Variants in EYA2 observed in about 807,000 individuals in gnomAD.
The protein encoded by EYA2 is EYA transcriptional coactivator and phosphatase 2, also known as protein phosphatase EYA2.
Under a neutral mutation model 69.2 loss-of-function variants are expected in EYA2, and 31 were observed. The ratio of observed to expected loss-of-function variants is 0.45; its 90% CI spans 0.34 to 0.60. EYA2 has a LOEUF of 0.60. Ranked by LOEUF, EYA2 falls within the 20% of genes least tolerant of loss-of-function variation. The pLI is 0.02. For missense variants in EYA2, 622 were observed against 701.2 expected (o/e 0.89, Z 1.28); for synonymous variants, 257 against 279.4 (o/e 0.92, Z 0.80).
At chr20:46,928,140 C>T (rs748623581) in intron 1 of EYA2, among the ~76,000 whole-genome samples, 1 of 152,194 alleles carries the variant, frequency 6.6e-6, no homozygotes, top group African/African-American at 2.4e-5. Flanking sequence ...CTACATTACT[C>T]AGCTCTGCAC....
chr20:46,933,111 A>C (rs1338033757), intron 1 of EYA2, among the ~76,000 whole-genome samples: 5 of 152,212 alleles, frequency 3.3e-5, no homozygotes, highest in Non-Finnish European at 5.9e-5. Flanking sequence ...AGACTAATAC[A>C]AGGGGCTTAC....
At chr20:47,134,296 G>A (rs570601228) in intron 9 of EYA2, among the ~76,000 whole-genome samples, 8 of 152,302 alleles carry the variant, frequency 5.3e-5, no homozygotes, top group African/African-American at 1.9e-4. Context: ...GACAGGGGTG[G>A]TGGCCTAACC....
intron 1 of EYA2, among the ~76,000 whole-genome samples, chr20:46,974,282 T>C (rs1980318702): frequency 6.6e-6 from 1 of 152,234 alleles, no homozygotes; most frequent in Admixed American, 6.5e-5. Flanking sequence ...GAAGATATTC[T>C]CATATTTGGT....
intron 9 of EYA2, among the ~76,000 whole-genome samples, chr20:47,135,159 G>A (rs1400779737): frequency 2.0e-5 from 3 of 146,444 alleles, no homozygotes; most frequent in Non-Finnish European, 4.5e-5. Context: ...ACAGACAACA[G>A]GCCATAGTTC....
intron 1 of EYA2, among the ~76,000 whole-genome samples, chr20:46,907,089 T>C (rs1230318838): frequency 6.6e-6 from 1 of 152,206 alleles, no homozygotes; most frequent in African/African-American, 2.4e-5. Context: ...AATAACGGAC[T>C]CTGCATAACA....
intron 9 of EYA2, among the ~76,000 whole-genome samples, chr20:47,141,818 A>G (rs941625267): frequency 1.3e-5 from 2 of 152,232 alleles, no homozygotes; most frequent in Non-Finnish European, 1.5e-5. Context: ...TTTTGCCCAC[A>G]TATCACTGGC....
rs143891904 is a variant in EYA2 at position 47,152,337 on chromosome 20, G to A, written c.978+9189G>A. Among the ~76,000 whole-genome samples, 515 of 151,174 alleles carry A rather than the reference G, an allele frequency of 3.4e-3. 1 individual carries two copies. Among genetic ancestry groups the A allele is most frequent in the African/African-American group, 0.011 (469 of 41,282 alleles). ...ACCTGTATTGTGAATTACCAGCCCT[G>A]CTCCTTAGCAGTGTCATTTGTGTGT... On this transcript the variant is annotated intron_variant, in intron 10 of 15. Coordinates refer to ENST00000327619, the MANE Select transcript of EYA2 (RefSeq NM_005244.5).
chr20:47,031,462 G>A (rs763246678), intron 5 of EYA2, among the ~76,000 whole-genome samples: 10 of 152,216 alleles, frequency 6.6e-5, no homozygotes, highest in Non-Finnish European at 1.0e-4. Flanking sequence ...TCTGTCCTGA[G>A]ACAGTGCCTG....
intron 10 of EYA2, 92 bp from the exon 11 acceptor site, chr20:47,169,047 G>C (rs1230762162): frequency 1.7e-6 from 2 of 1,164,602 alleles, no homozygotes; most frequent in Non-Finnish European, 2.6e-6. Flanking sequence ...GCTCATCCCA[G>C]CCCTCAGCTT....
chr20:47,162,719 A>G (rs1235554275), intron 10 of EYA2, among the ~76,000 whole-genome samples: 3 of 151,880 alleles, frequency 2.0e-5, no homozygotes, highest in Admixed American at 1.3e-4. Context: ...GAGTCTCACC[A>G]TGTTGTCCAG....
intron 12 of EYA2, among the ~76,000 whole-genome samples, chr20:47,176,238 C>G (rs560743012): frequency 2.1e-4 from 32 of 152,006 alleles, no homozygotes; most frequent in Non-Finnish European, 4.4e-4. Context: ...TGCCACCATG[C>G]CCGGCTAATT....
rs145815637 is a variant in EYA2 at position 47,171,477 on chromosome 20, C to G, written c.1038-1230C>G. Among the ~76,000 whole-genome samples, 631 of 152,206 alleles carry G rather than the reference C, an allele frequency of 4.1e-3. 5 individuals carry two copies. The highest frequency in any genetic ancestry group is 0.014 in the African/African-American group (583 of 41,538). ...GCCTCGTTTTGTGCCATGTTCTATT[C>G]TAAATGCATTACATGGGATAACTCA... is the stretch of plus-strand genomic sequence containing the variant. On this transcript the variant is annotated intron_variant, in intron 11 of 15. Transcript: ENST00000327619.
At chr20:47,005,150 A>G (rs1982630171) in intron 4 of EYA2, 66 bp downstream of exon 4, 2 of 1,559,328 alleles carry the variant, frequency 1.3e-6, no homozygotes, top group Non-Finnish European at 8.7e-7. Context: ...GTTCTGCACT[A>G]TTGTCTCAGC....
At chr20:47,161,941 A>G (rs1451735523) in intron 10 of EYA2, among the ~76,000 whole-genome samples, 3 of 152,186 alleles carry the variant, frequency 2.0e-5, no homozygotes, top group Non-Finnish European at 4.4e-5. Flanking sequence ...TGGGTGCCTT[A>G]AACAAGAGAA....
intron 10 of EYA2, among the ~76,000 whole-genome samples, chr20:47,152,263 G>C (rs2033837422): frequency 6.6e-6 from 1 of 151,888 alleles, no homozygotes; most frequent in African/African-American, 2.4e-5. Context: ...CTCTAGTCTG[G>C]CATGTTTGCC....
intron 5 of EYA2, among the ~76,000 whole-genome samples, chr20:47,042,248 C>T (rs1274743118): frequency 6.6e-6 from 1 of 152,124 alleles, no homozygotes; most frequent in Non-Finnish European, 1.5e-5. Context: ...GTGATAGGTG[C>T]AATGTCACTC....
intron 5 of EYA2, among the ~76,000 whole-genome samples, chr20:47,022,327 T>C (rs753904776): frequency 2.6e-5 from 4 of 152,224 alleles, no homozygotes; most frequent in Non-Finnish European, 5.9e-5. Context: ...AAATTGTTTC[T>C]TGTTGAGATG....
chr20:47,187,385 A>C (rs2034667320), intron 15 of EYA2, among the ~76,000 whole-genome samples: 1 of 152,042 alleles, frequency 6.6e-6, no homozygotes, highest in Admixed American at 6.6e-5. Flanking sequence ...ACTCCACATC[A>C]TGACAATAAC....
At chr20:47,070,834 A>C (rs2031288297) in intron 5 of EYA2, among the ~76,000 whole-genome samples, 1 of 151,532 alleles carries the variant, frequency 6.6e-6, no homozygotes, top group African/African-American at 2.4e-5. Context: ...TAAATAAATA[A>C]TTTTTATTTT....
Sources: gnomAD v4.1 joint callset for allele counts (sites outside exome capture counted in the v4.1 genomes callset) on GRCh38, gnomAD v4.1.1 for gene constraint, MANE v1.5 for transcripts, NCBI Gene and HGNC (gene_info 2026-07-23, HGNC 2026-07-21) for gene names.